Variants in CTSB observed in about 807,000 individuals in gnomAD.
CTSB encodes cathepsin B, also known as APP secretase.
CTSB carries 57 observed loss-of-function variants against 44.3 expected under a neutral mutation model. The ratio of observed to expected loss-of-function variants is 1.29; its 90% CI spans 1.04 to 1.60. The LOEUF is 1.60. Ranked by LOEUF, CTSB falls within the 40% of genes most tolerant of loss-of-function variation. The pLI, the probability that CTSB is intolerant of heterozygous loss-of-function variation, is 0.00. For missense variants in CTSB, 768 were observed against 443.0 expected (o/e 1.73, Z -6.59); for synonymous variants, 320 against 168.0 (o/e 1.91, Z -7.00).
chr8:11,847,998 A>G, intron 6 of CTSB, 69 bp downstream of exon 6: 2 of 1,422,438 alleles, frequency 1.4e-6, no homozygotes, highest in South Asian at 2.5e-5. Flanking sequence ...ATAAAGGCAA[A>G]TAAAGCCATG....
At chr8:11,848,741 G>T (rs1813944486) in intron 5 of CTSB, 2 of 313,232 alleles carry the variant, frequency 6.4e-6, no homozygotes, top group Admixed American at 4.2e-5. Context: ...GGTTCCCCAA[G>T]CAGGAAAAAG....
chr8:11,847,671 C>T lies in CTSB; in HGVS notation c.676+8G>A. The T allele has an allele frequency of 1.3e-6, 2 of 1,532,900 alleles. No individual in the cohort carries two copies. Among genetic ancestry groups the T allele is most frequent in the Non-Finnish European group, 1.7e-6 (2 of 1,143,314 alleles). 95.0% of individuals were successfully genotyped at this position (1,532,900 alleles called of 1,614,324 possible). A position where few individuals can be genotyped will look rare whatever the true frequency, so the allele number is the denominator to read the frequency against. On this transcript the variant is annotated splice_region_variant and intron_variant, in intron 7 of 9. Transcript: ENST00000353047. ...ACGTGCGCCGTGGCCAGGCCCCAGG[C>T]CCCTTACCGTAGTGCTTGTCCTGTT...
Position 11,847,140 on chromosome 8 carries a change from G to T in CTSB, c.705C>A (p.Ser235Arg). 1 of 1,593,526 alleles carries T rather than the reference G, an allele frequency of 6.3e-7. No homozygotes were observed. Among genetic ancestry groups the T allele is most frequent in the Non-Finnish European group, 8.5e-7 (1 of 1,169,790 alleles). The change falls in exon 8 of 10, where the codon AGC (serine) becomes AGA (arginine). Residue 235 changes from serine (S) to arginine (R), a missense_variant. Coordinates refer to ENST00000353047, the MANE Select transcript of CTSB (RefSeq NM_001908.5). Reference protein sequence around the residue: ...YGYNSYSVSNSEKDIMAEIYK... With the variant: ...YGYNSYSVSNREKDIMAEIYK... Reference sequence around the variant, plus strand: ...AGATCTCGGCCATGATGTCCTTCTCGCTATTGGAGACGCTGTAGGAATTGT... The same window carrying T: ...AGATCTCGGCCATGATGTCCTTCTCTCTATTGGAGACGCTGTAGGAATTGT...
chr8:11,847,035 C>CAA lies in CTSB; in HGVS notation c.793+16_793+17insTT. 2.2e-6 allele frequency: 2 copies of CAA among 895,146 alleles called. No homozygotes were observed. The highest frequency in any genetic ancestry group is 3.6e-6 in the Non-Finnish European group (2 of 556,394). The allele number at this position is 895,146 out of a possible 1,614,324, so 55.5% of individuals were successfully genotyped here. A position where few individuals can be genotyped will look rare whatever the true frequency, so the allele number is the denominator to read the frequency against. ...CCCGACCCCCACCCTCTATTGCCAT[C>CAA]AGCCATCAGCACGCACCTGACTTGT... On this transcript the variant is annotated intron_variant, in intron 8 of 9. Transcript: ENST00000353047.
Position 11,847,140 on chromosome 8 carries a change from G to C in CTSB, c.705C>G (p.Ser235Arg), listed in dbSNP as rs778417060. ...AGATCTCGGCCATGATGTCCTTCTCGCTATTGGAGACGCTGTAGGAATTGT... is the reference window on the plus strand; with the variant it reads ...AGATCTCGGCCATGATGTCCTTCTCCCTATTGGAGACGCTGTAGGAATTGT... ...YGYNSYSVSN[S>R]EKDIMAEIYK... The change falls in exon 8 of 10, where the codon AGC becomes AGG. Residue 235 changes from serine to arginine, a missense_variant. Ser to Arg is a moderately radical substitution (Grantham distance 110). Coordinates refer to ENST00000353047, the MANE Select transcript of CTSB (RefSeq NM_001908.5). 3.1e-6 allele frequency: 5 copies of C among 1,593,402 alleles called. No homozygotes were observed. Among genetic ancestry groups the C allele is most frequent in the South Asian group, 2.2e-5 (2 of 89,598 alleles).
chr8:11,847,182 C>G lies in CTSB; in HGVS notation c.677-14G>C, dbSNP rs746924642. On this transcript the variant is annotated splice_polypyrimidine_tract_variant and intron_variant, in intron 7 of 9. Coordinates refer to ENST00000353047, the MANE Select transcript of CTSB (RefSeq NM_001908.5). ...AGGAATTGTATCCTGGAAAATGAAC[C>G]GAGCTCGGGGTTGGGGAGGGCAGTG... 2.1e-5 allele frequency: 33 copies of G among 1,567,542 alleles called. No individual in the cohort carries two copies. Among genetic ancestry groups the G allele is most frequent in the Non-Finnish European group, 2.5e-5 (29 of 1,138,508 alleles).
chr8:11,858,728 C>A (rs774175595), intron 1 of CTSB, among the ~76,000 whole-genome samples: 14 of 152,194 alleles, frequency 9.2e-5, no homozygotes, highest in Non-Finnish European at 1.9e-4. Context: ...AATCTCACTC[C>A]ATTGTGCAAC....
chr8:11,852,842 C>T (rs1814844021), intron 2 of CTSB, 147 bp from the exon 3 acceptor site: 1 of 676,132 alleles, frequency 1.5e-6, no homozygotes, highest in Admixed American at 2.6e-5. Flanking sequence ...GGGAACAGCC[C>T]AGAGTGACAC....
Position 11,845,726 on chromosome 8 carries a change from C to A in CTSB, c.857G>T (p.Gly286Val), listed in dbSNP as rs769759333. The A allele has an allele frequency of 2.5e-6, 4 of 1,614,020 alleles. No individual in the cohort carries two copies. Among genetic ancestry groups the A allele is most frequent in the Admixed American group, 1.7e-5 (1 of 60,000 alleles). Residue 286 changes from glycine (G) to valine (V), a missense_variant, in exon 9 of 10, where the codon GGA (glycine) becomes GTA (valine). Transcript: ENST00000353047. Reference protein sequence around the residue: ...GGHAIRILGWGVENGTPYWLV... With the variant: ...GGHAIRILGWVVENGTPYWLV... The stretch of plus-strand genomic sequence containing the variant: ...CCAGTAGGGTGTGCCATTCTCCACT[C>A]CCCAGCCCAGGATGCGGATGGCATG...
chr8:11,859,365 T>A (rs959854047), intron 1 of CTSB, among the ~76,000 whole-genome samples: 1 of 151,350 alleles, frequency 6.6e-6, no homozygotes, highest in Non-Finnish European at 1.5e-5. Context: ...TGGAAGGAGG[T>A]GGAATGAAAG....
At chr8:11,854,007 G>A (rs78631783) in intron 1 of CTSB, among the ~76,000 whole-genome samples, 2,111 of 152,266 alleles carry the variant, frequency 0.014, 55 homozygotes, top group African/African-American at 0.048. Flanking sequence ...CACTCCCGGG[G>A]CCTCTCTGGT....
chr8:11,847,533 G>A (rs1176779478), intron 7 of CTSB, 146 bp downstream of exon 7: 5 of 871,070 alleles, frequency 5.7e-6, no homozygotes, highest in Admixed American at 2.9e-5. Flanking sequence ...GCTTCTCCTG[G>A]CAAGAGGGCA....
At chr8:11,849,228 C>T (rs1814070213) in intron 4 of CTSB, 64 bp from the exon 5 acceptor site, 1 of 1,318,422 alleles carries the variant, frequency 7.6e-7, no homozygotes, top group Non-Finnish European at 1.1e-6. Flanking sequence ...GCAGCAGTCC[C>T]CTCAAAGGGC....
chr8:11,859,195 G>C (rs1043482346), intron 1 of CTSB, among the ~76,000 whole-genome samples: 1 of 152,116 alleles, frequency 6.6e-6, no homozygotes, highest in African/African-American at 2.4e-5. Flanking sequence ...GAGCACTTAT[G>C]AGAAAGCACG....
At chr8:11,846,924 C>G in intron 8 of CTSB, 128 bp downstream of exon 8, 1 of 688,248 alleles carries the variant, frequency 1.5e-6, no homozygotes, top group Admixed American at 2.0e-5. Context: ...GAAGGCCCCA[C>G]ACAGCCCTCT....
At chr8:11,846,576 T>G (rs890459160) in intron 8 of CTSB, among the ~76,000 whole-genome samples, 1 of 152,212 alleles carries the variant, frequency 6.6e-6, no homozygotes, top group Non-Finnish European at 1.5e-5. Flanking sequence ...GGCAAGGTCC[T>G]CCCTGTGTGT....
At chr8:11,851,750 T>C (rs1020264713) in intron 3 of CTSB, among the ~76,000 whole-genome samples, 3 of 152,052 alleles carry the variant, frequency 2.0e-5, no homozygotes, top group East Asian at 2.0e-4. Flanking sequence ...CACCGCAACC[T>C]CTGCCTCCCG....
chr8:11,847,317 C>G (rs1488830909), intron 7 of CTSB, 149 bp from the exon 8 acceptor site: 2 of 656,242 alleles, frequency 3.0e-6, no homozygotes, highest in Non-Finnish European at 5.5e-6. Flanking sequence ...AAGGAAGGCT[C>G]CCCTGAAGAA....
intron 1 of CTSB, among the ~76,000 whole-genome samples, chr8:11,865,737 C>A (rs948029030): frequency 6.6e-6 from 1 of 151,024 alleles, no homozygotes; most frequent in Non-Finnish European, 1.5e-5. Context: ...CTCCACCGCG[C>A]GGTGGCTCAT....
Sources: gnomAD v4.1 joint callset for allele counts (sites outside exome capture counted in the v4.1 genomes callset) on GRCh38, gnomAD v4.1.1 for gene constraint, MANE v1.5 for transcripts, NCBI Gene and HGNC (gene_info 2026-07-23, HGNC 2026-07-21) for gene names.